Variants in ACTN2 observed in about 807,000 individuals in gnomAD.
ACTN2 encodes the protein actinin alpha 2.
ACTN2 carries 39 observed loss-of-function variants against 113.8 expected under a neutral mutation model. The observed-to-expected ratio is 0.34, with a 90% CI of 0.27 to 0.45. ACTN2 has a LOEUF of 0.45. ACTN2 is among the 20% of genes least tolerant of loss of function. The probability of loss-of-function intolerance (pLI) is 1.00; values close to 1 mark genes in which losing one functional copy is unlikely to be tolerated. For missense variants in ACTN2, 992 were observed against 1,177.9 expected (o/e 0.84, Z 2.31); for synonymous variants, 429 against 444.1 (o/e 0.97, Z 0.43).
chr1:236,700,722 CG>C (rs1324858396), intron 1 of ACTN2, among the ~76,000 whole-genome samples: 1 of 152,116 alleles, frequency 6.6e-6, no homozygotes, highest in Non-Finnish European at 1.5e-5. Flanking sequence ...CCACCACCCC[CG>C]GAATACAGCC....
intron 7 of ACTN2, among the ~76,000 whole-genome samples, chr1:236,733,700 A>C (rs1194891830): frequency 6.6e-6 from 1 of 152,182 alleles, no homozygotes; most frequent in Non-Finnish European, 1.5e-5. Flanking sequence ...CATGCCTTCT[A>C]TCAGCAGTTT....
intron 10 of ACTN2, among the ~76,000 whole-genome samples, chr1:236,741,173 T>G (rs191791510): frequency 8.6e-5 from 13 of 151,980 alleles, no homozygotes; most frequent in Admixed American, 2.0e-4. Context: ...ACATCCTGAG[T>G]AGCTGGGACT....
intron 14 of ACTN2, among the ~76,000 whole-genome samples, chr1:236,750,701 G>C (rs1659368430): frequency 6.6e-6 from 1 of 152,156 alleles, no homozygotes; most frequent in African/African-American, 2.4e-5. Flanking sequence ...TCTTTTTGAG[G>C]AATAGGGATG....
intron 11 of ACTN2, among the ~76,000 whole-genome samples, chr1:236,743,877 C>T (rs987740844): frequency 1.3e-5 from 2 of 152,136 alleles, no homozygotes; most frequent in African/African-American, 4.8e-5. Flanking sequence ...CGTAAGACCT[C>T]CCTCATAGGG....
Position 236,686,956 on chromosome 1 carries a change from A to G in ACTN2, c.126+157A>G, listed in dbSNP as rs12046163. On this transcript the variant is annotated intron_variant, in intron 1 of 20. Transcript: ENST00000366578. ...TCGCAGCCCCGGGGGCCCCTTAGGA[A>G]AGAGGACACGTCCGGGGACAGGCAG... Among the ~76,000 whole-genome samples, 59,745 of 151,920 alleles carry G rather than the reference A, an allele frequency of 0.39. 14,172 individuals carry two copies. The highest frequency in any genetic ancestry group is 0.53 in the Non-Finnish European group (36,206 of 67,892).
intron 19 of ACTN2, 30 bp from the exon 20 acceptor site, chr1:236,760,985 T>C (rs755255593): frequency 1.2e-6 from 2 of 1,613,724 alleles, no homozygotes; most frequent in African/African-American, 2.7e-5. Context: ...GTACCGTTCG[T>C]GTACATGTTT....
intron 7 of ACTN2, among the ~76,000 whole-genome samples, chr1:236,734,818 A>G (rs1263682248): frequency 1.3e-5 from 2 of 152,224 alleles, no homozygotes; most frequent in Non-Finnish European, 2.9e-5. Flanking sequence ...ATTGTCAGGT[A>G]TCTTTTTAAC....
In ACTN2 at chr1:236,763,949, T is replaced by C. The variant is rs892836235; in HGVS notation, c.*1330T>C. ...GAATAAAGCAGGAATTCTTTTTATA[T>C]CTGAGTCCTTAATGATCAGGAAATG... On this transcript the variant is annotated 3_prime_UTR_variant, in exon 21 of 21. Coordinates refer to ENST00000366578, the MANE Select transcript of ACTN2 (RefSeq NM_001103.4). 1.1e-4 allele frequency: 16 copies of C among 152,210 alleles called. No individual in the cohort carries two copies. The highest frequency in any genetic ancestry group is 3.9e-4 in the African/African-American group (16 of 41,446). 9.4% of individuals were successfully genotyped at this position (152,210 alleles called of 1,614,324 possible).
intron 17 of ACTN2, among the ~76,000 whole-genome samples, chr1:236,757,256 G>A (rs1259727234): frequency 6.6e-6 from 1 of 151,652 alleles, no homozygotes; most frequent in East Asian, 1.9e-4. Context: ...AGTATATACT[G>A]CAGAGTGCCC....
chr1:236,706,975 G>A (rs538701694), intron 1 of ACTN2, among the ~76,000 whole-genome samples: 92 of 152,328 alleles, frequency 6.0e-4, no homozygotes, highest in Non-Finnish European at 4.3e-4. Context: ...AACAGCCTGG[G>A]AAGCCGGTTG....
intron 1 of ACTN2, among the ~76,000 whole-genome samples, chr1:236,701,172 C>T (rs1426161066): frequency 1.3e-5 from 2 of 152,148 alleles, no homozygotes; most frequent in East Asian, 3.9e-4. Context: ...GTTTAGACTA[C>T]AAACTTTGGT....
chr1:236,754,142 C>G lies in ACTN2; in HGVS notation c.1974+61C>G. Reference sequence around the variant, plus strand: ...CTTGCGATAAGTCCCTTTAGCCACGCAGCAGTGACACCGCACATGCTGTGG... The same window carrying G: ...CTTGCGATAAGTCCCTTTAGCCACGGAGCAGTGACACCGCACATGCTGTGG... On this transcript the variant is annotated intron_variant, in intron 16 of 20. Coordinates refer to ENST00000366578, the MANE Select transcript of ACTN2 (RefSeq NM_001103.4). The surrounding 1 kb of genome is among the most constrained non-coding windows in gnomAD (Gnocchi z 4.9). 1.2e-6 allele frequency: 2 copies of G among 1,601,596 alleles called. No individual in the cohort carries two copies. The highest frequency in any genetic ancestry group is 1.7e-6 in the Non-Finnish European group (2 of 1,176,714).
At chr1:236,707,798 G>A (rs1421650753) in intron 1 of ACTN2, among the ~76,000 whole-genome samples, 1 of 132,254 alleles carries the variant, frequency 7.6e-6, no homozygotes, top group Non-Finnish European at 1.5e-5. Context: ...TGCAACCTCC[G>A]CCTCCTGGGT....
intron 5 of ACTN2, among the ~76,000 whole-genome samples, chr1:236,727,207 C>G (rs1027464430): frequency 6.6e-6 from 1 of 151,972 alleles, no homozygotes; most frequent in Non-Finnish European, 1.5e-5. Context: ...AACTTAAAGA[C>G]AGAGGAGTAT....
chr1:236,720,980 T>G (rs917655241), intron 4 of ACTN2, among the ~76,000 whole-genome samples: 1 of 146,872 alleles, frequency 6.8e-6, no homozygotes, highest in Non-Finnish European at 1.5e-5. Flanking sequence ...TTTATAATTC[T>G]GCCCAGGCCA....
In ACTN2 at chr1:236,754,188, C is replaced by T. The variant is rs1479173613; in HGVS notation, c.1974+107C>T. Reference sequence around the variant, plus strand: ...TGTGGTTTCCAGCCACCCACTCAGTCAGGTGGGAGCACCGTTCTGTTATCA... The same window carrying T: ...TGTGGTTTCCAGCCACCCACTCAGTTAGGTGGGAGCACCGTTCTGTTATCA... On this transcript the variant is annotated intron_variant, in intron 16 of 20. Coordinates refer to ENST00000366578, the MANE Select transcript of ACTN2 (RefSeq NM_001103.4). This position sits in a 1 kb window ranked among gnomAD's most constrained non-coding sequence, Gnocchi z 4.9. 7 of 1,425,258 alleles carry T rather than the reference C, an allele frequency of 4.9e-6. No homozygotes were observed. Among genetic ancestry groups the T allele is most frequent in the Non-Finnish European group, 6.8e-6 (7 of 1,027,436 alleles). 88.3% of individuals were successfully genotyped at this position (1,425,258 alleles called of 1,614,324 possible).
In ACTN2 at chr1:236,686,658, C is replaced by A. The variant is rs762061889; in HGVS notation, c.-16C>A. The A allele has an allele frequency of 1.3e-6, 2 of 1,550,478 alleles. No individual in the cohort carries two copies. Among genetic ancestry groups the A allele is most frequent in the South Asian group, 2.3e-5 (2 of 85,642 alleles). ...AGCCCCTCGCGCCCCGCCGCAGCCC[C>A]GGCCAACCGAGCGCCATGAACCAGA... On this transcript the variant is annotated 5_prime_UTR_variant, in exon 1 of 21. Transcript: ENST00000366578.
At position 236,761,138 on chromosome 1, in the gene ACTN2, G is replaced by T; in HGVS notation, c.2491G>T (p.Val831Phe). ...GGCTGACACCGACACTGCCGAGCAG[G>T]TCATCGCCTCCTTCCGGATCCTGGC... ...ETADTDTAEQVIASFRILASD... is the reference protein window; with the variant it reads ...ETADTDTAEQFIASFRILASD... The change falls in exon 20 of 21, where the codon GTC becomes TTC. Residue 831 changes from valine to phenylalanine, a missense_variant. Physicochemically the swap from Val to Phe is conservative, Grantham distance 50. Transcript: ENST00000366578. 1 of 1,614,154 alleles carries T rather than the reference G, an allele frequency of 6.2e-7. No individual in the cohort carries two copies. The highest frequency in any genetic ancestry group is 8.5e-7 in the Non-Finnish European group (1 of 1,180,040).
intron 9 of ACTN2, 101 bp downstream of exon 9, chr1:236,737,315 A>ATATATG (rs1428788821): frequency 2.7e-5 from 8 of 295,000 alleles, no homozygotes; most frequent in African/African-American, 1.6e-4. Context: ...ATATATATAT[A>ATATATG]TATTTTGCAT....
Sources: allele counts gnomAD v4.1 joint callset (sites outside exome capture counted in the v4.1 genomes callset), GRCh38; gene constraint gnomAD v4.1.1; non-coding constraint Gnocchi (gnomAD v3.1); transcripts MANE v1.5; gene names NCBI Gene and HGNC (gene_info 2026-07-23, HGNC 2026-07-21).